AGFG1: variants seen among roughly 807,000 people sequenced by gnomAD.
AGFG1 encodes the protein ArfGAP with FG repeats 1.
Under a neutral mutation model 60.6 loss-of-function variants are expected in AGFG1, and 10 were observed. The observed-to-expected ratio is 0.16, with a 90% confidence interval of 0.10 to 0.28. The LOEUF (loss-of-function observed/expected upper bound fraction) is 0.28. AGFG1 is among the 10% of genes least tolerant of loss of function. The pLI is 1.00. For missense variants in AGFG1, 537 were observed against 676.5 expected (o/e 0.79, Z 2.29); for synonymous variants, 247 against 242.9 (o/e 1.02, Z -0.16).
intron 10 of AGFG1, among the ~76,000 whole-genome samples, chr2:227,540,766 G>A (rs750320701): frequency 3.3e-5 from 5 of 152,250 alleles, no homozygotes; most frequent in African/African-American, 1.2e-4. Context: ...CTGGGGAATC[G>A]CCACACTGTC....
At chr2:227,526,701 C>T (rs967675877) in intron 5 of AGFG1, among the ~76,000 whole-genome samples, 1 of 151,348 alleles carries the variant, frequency 6.6e-6, no homozygotes, top group Non-Finnish European at 1.5e-5. Context: ...CGCCACCACT[C>T]CCGGCTGTTT....
rs1366376345 is a variant in AGFG1 at position 227,552,176 on chromosome 2, ATGT to A, written c.1537+63_1537+65del. On this transcript the variant is annotated intron_variant, in intron 11 of 12. Coordinates refer to ENST00000310078, the MANE Select transcript of AGFG1 (RefSeq NM_004504.5). ...TTTTATGTATCCTTTTTATATCATA[ATGT>A]TGTGTGCTTGGGCAGGAAGACTTTT... 1.3e-5 allele frequency: 21 copies of A among 1,592,448 alleles called. No homozygotes were observed. The Admixed American group carries it at 3.2e-4, about 24-fold the overall frequency.
intron 5 of AGFG1, among the ~76,000 whole-genome samples, chr2:227,528,101 T>C (rs924374536): frequency 6.6e-6 from 1 of 152,132 alleles, no homozygotes; most frequent in Non-Finnish European, 1.5e-5. Context: ...GTTTGAAAAA[T>C]TGTAGAAAAA....
chr2:227,518,549 G>A (rs1364637909), intron 2 of AGFG1, among the ~76,000 whole-genome samples: 2 of 132,956 alleles, frequency 1.5e-5, no homozygotes, highest in Non-Finnish European at 3.1e-5. Context: ...TAAAGACAGA[G>A]TTTTGCTCTT....
intron 2 of AGFG1, among the ~76,000 whole-genome samples, chr2:227,515,261 T>G (rs1362306232): frequency 6.6e-6 from 1 of 152,172 alleles, no homozygotes; most frequent in Non-Finnish European, 1.5e-5. Context: ...CTCACTAGTG[T>G]TAATCATTTT....
chr2:227,493,638 A>G (rs995551546), intron 2 of AGFG1, among the ~76,000 whole-genome samples: 2 of 152,240 alleles, frequency 1.3e-5, no homozygotes, highest in African/African-American at 4.8e-5. Context: ...CTTAAGTCCT[A>G]CAAAGAGGTT....
chr2:227,526,587 C>T (rs1371369918), intron 5 of AGFG1, among the ~76,000 whole-genome samples: 1 of 139,476 alleles, frequency 7.2e-6, no homozygotes, highest in African/African-American at 2.7e-5. Flanking sequence ...CCCTTGTTCA[C>T]ACTGGTGTGC....
chr2:227,475,042 A>G (rs1430650126), intron 1 of AGFG1, among the ~76,000 whole-genome samples: 3 of 152,226 alleles, frequency 2.0e-5, no homozygotes, highest in Non-Finnish European at 4.4e-5. Context: ...ACATGCCATG[A>G]GTAAGGGAAC....
rs564852956 is a variant in AGFG1, at chr2:227,539,016, A to G, written c.1378+2023A>G. Among the ~76,000 whole-genome samples the G allele has an allele frequency of 9.0e-4, 137 of 152,358 alleles. No homozygotes were observed. The South Asian group carries it at 0.026, about 29-fold the overall frequency. On this transcript the variant is annotated intron_variant, in intron 10 of 12. Transcript: ENST00000310078. ...TTATTATTGAATTGACCAAATCACA[A>G]GCATTAACTGCATATGTTTCTATTG...
intron 1 of AGFG1, among the ~76,000 whole-genome samples, chr2:227,488,470 C>A (rs182613501): frequency 2.0e-5 from 3 of 152,304 alleles, no homozygotes; most frequent in African/African-American, 7.2e-5. Context: ...GATATGTCCT[C>A]ATCAGAAAGT....
intron 1 of AGFG1, among the ~76,000 whole-genome samples, chr2:227,480,849 T>G (rs1330646561): frequency 6.6e-6 from 1 of 152,218 alleles, no homozygotes; most frequent in African/African-American, 2.4e-5. Context: ...TGCCTTCTTT[T>G]TAAAAATTAG....
chr2:227,507,102 A>G (rs1034912189), intron 2 of AGFG1, among the ~76,000 whole-genome samples: 1 of 152,172 alleles, frequency 6.6e-6, no homozygotes, highest in Non-Finnish European at 1.5e-5. Flanking sequence ...AGTCTAACTC[A>G]GTAGTTTTCC....
Position 227,552,074 on chromosome 2 carries a change from A to G in AGFG1, c.1494A>G (p.Gln498=). The stretch of plus-strand genomic sequence containing the variant: ...TTCAGCAGCCTGCCTTTCCAGCCCA[A>G]GCAGCTTTCCCTCAACAGACAGCTT... ...GSFQQPAFPA[Q]AAFPQQTAFS... is the part of the protein sequence containing the mutation. Residue 498 remains glutamine (Q), a synonymous_variant, in exon 11 of 13, where the codon CAA becomes CAG. Coordinates refer to ENST00000310078, the MANE Select transcript of AGFG1 (RefSeq NM_004504.5). The G allele has an allele frequency of 6.2e-7, 1 of 1,614,198 alleles. No homozygotes were observed. Among genetic ancestry groups the G allele is most frequent in the South Asian group, 1.1e-5 (1 of 91,088 alleles).
chr2:227,551,019 C>T (rs1575119644), intron 10 of AGFG1, among the ~76,000 whole-genome samples: 1 of 152,088 alleles, frequency 6.6e-6, no homozygotes, highest in African/African-American at 2.4e-5. Context: ...AAATAACATA[C>T]TGTAAGTGAA....
intron 2 of AGFG1, among the ~76,000 whole-genome samples, chr2:227,501,268 A>T (rs779913928): frequency 1.3e-5 from 2 of 152,152 alleles, no homozygotes; most frequent in Non-Finnish European, 2.9e-5. Flanking sequence ...TTTAGTAGAG[A>T]TGGGGTTTTG....
chr2:227,480,630 ATCT>A lies in AGFG1; in HGVS notation c.167+8046_167+8048del, dbSNP rs907491229. On this transcript the variant is annotated intron_variant, in intron 1 of 12. Coordinates refer to ENST00000310078, the MANE Select transcript of AGFG1 (RefSeq NM_004504.5). ...TTAACTGTTTCTGGGTACTTTTATA[ATCT>A]TCTGCTCTGGAAATGCTGCTGTCTA... Among the ~76,000 whole-genome samples the A allele has an allele frequency of 2.3e-4, 35 of 150,620 alleles. 1 individual carries two copies. Among genetic ancestry groups the A allele is most frequent in the African/African-American group, 7.6e-4 (31 of 40,966 alleles).
Position 227,554,954 on chromosome 2 carries a change from GT to G in AGFG1, c.*460del, listed in dbSNP as rs751857128. ...ACCATTGCTACTGGAAAGTAACAGA[GT>G]CAAAATTGGAAGGTTTTATTCATTC... On this transcript the variant is annotated 3_prime_UTR_variant, in exon 13 of 13. Transcript: ENST00000310078. 1.3e-5 allele frequency: 2 copies of G among 152,976 alleles called. No homozygotes were observed. Among genetic ancestry groups the G allele is most frequent in the South Asian group, 2.1e-4 (1 of 4,840 alleles). 9.5% of individuals were successfully genotyped at this position (152,976 alleles called of 1,614,324 possible).
At chr2:227,522,190 A>G (rs1417536534) in intron 3 of AGFG1, among the ~76,000 whole-genome samples, 5 of 152,222 alleles carry the variant, frequency 3.3e-5, no homozygotes, top group Non-Finnish European at 7.3e-5. Flanking sequence ...CAGGTATGAA[A>G]ATAGATTAAA....
chr2:227,484,865 G>A (rs1267365449), intron 1 of AGFG1, among the ~76,000 whole-genome samples: 2 of 151,076 alleles, frequency 1.3e-5, no homozygotes, highest in African/African-American at 2.4e-5. Flanking sequence ...CAACATGCCC[G>A]GCTAATTTTT....
Sources: gnomAD v4.1 joint callset for allele counts (sites outside exome capture counted in the v4.1 genomes callset) on GRCh38, gnomAD v4.1.1 for gene constraint, MANE v1.5 for transcripts, NCBI Gene and HGNC (gene_info 2026-07-23, HGNC 2026-07-21) for gene names.